Variants in ARHGEF7 observed in about 807,000 individuals in gnomAD.
ARHGEF7 encodes Rho guanine nucleotide exchange factor 7, also known as PAK-interacting exchange factor beta.
In ARHGEF7, 33 loss-of-function variants were observed where a neutral mutation model predicts 109.8. The observed-to-expected ratio is 0.30, with a 90% CI of 0.23 to 0.40. The LOEUF (loss-of-function observed/expected upper bound fraction) is 0.40. Ranked by LOEUF, ARHGEF7 falls within the 10% of genes least tolerant of loss-of-function variation. The pLI is 1.00. For missense variants in ARHGEF7, 938 were observed against 1,098.5 expected, an observed-to-expected ratio of 0.85 and a Z score of 2.07; for synonymous variants, 458 against 424.6, an observed-to-expected ratio of 1.08 and a Z score of -0.97.
chr13:111,155,898 A>T (rs983249249), intron 2 of ARHGEF7, among the ~76,000 whole-genome samples: 2 of 152,010 alleles, frequency 1.3e-5, no homozygotes, highest in Non-Finnish European at 2.9e-5. Flanking sequence ...CAACATGGTG[A>T]AACCCTGTCT....
intron 5 of ARHGEF7, among the ~76,000 whole-genome samples, chr13:111,223,229 A>G (rs547992085): frequency 6.6e-6 from 1 of 152,300 alleles, no homozygotes; most frequent in African/African-American, 2.4e-5. Flanking sequence ...TTTTGGAATT[A>G]GGTTTCCTTT....
At chr13:111,180,284 T>TA (rs1280015229) in intron 2 of ARHGEF7, among the ~76,000 whole-genome samples, 1 of 152,224 alleles carries the variant, frequency 6.6e-6, no homozygotes, top group Non-Finnish European at 1.5e-5. Flanking sequence ...TTACTTCCCT[T>TA]ACGAGCTTTT....
At chr13:111,286,276 C>T in intron 17 of ARHGEF7, 36 bp downstream of exon 17, 2 of 1,549,826 alleles carry the variant, frequency 1.3e-6, no homozygotes, top group South Asian at 1.1e-5. Flanking sequence ...GAGGACGTGG[C>T]CTCCTGGTCA....
chr13:111,239,000 C>T (rs1201733737), intron 6 of ARHGEF7, among the ~76,000 whole-genome samples: 1 of 152,164 alleles, frequency 6.6e-6, no homozygotes, highest in Non-Finnish European at 1.5e-5. Flanking sequence ...CGGAAGGCAC[C>T]TCTTCACGAA....
rs987101304 is a variant in ARHGEF7, at chr13:111,273,374, C to T, written c.1074-440C>T. Reference sequence around the variant, plus strand: ...GTGGGGCCTGCTCGCTGGACGAACTCGCATCTGGGGATGACTACCATCAGT... The same window carrying T: ...GTGGGGCCTGCTCGCTGGACGAACTTGCATCTGGGGATGACTACCATCAGT... On this transcript the variant is annotated intron_variant, in intron 9 of 21. Transcript: ENST00000646102. The surrounding 1 kb of genome is among the most constrained non-coding windows in gnomAD (Gnocchi z 4.5). Among the ~76,000 whole-genome samples the T allele has an allele frequency of 6.6e-6, 1 of 152,248 alleles. No homozygotes were observed. The highest frequency in any genetic ancestry group is 1.5e-5 in the Non-Finnish European group (1 of 68,052).
At chr13:111,298,686 A>T (rs1180332509) in intron 19 of ARHGEF7, among the ~76,000 whole-genome samples, 1 of 152,184 alleles carries the variant, frequency 6.6e-6, no homozygotes, top group Non-Finnish European at 1.5e-5. Flanking sequence ...TATTCCCGAG[A>T]CATAGGTCAC....
chr13:111,177,938 C>G (rs1342609269), intron 2 of ARHGEF7, among the ~76,000 whole-genome samples: 1 of 152,166 alleles, frequency 6.6e-6, no homozygotes. Context: ...AACTCGCACG[C>G]AGTGTGGTCC....
intron 1 of ARHGEF7, 153 bp from the exon 2 acceptor site, chr13:111,153,752 C>G (rs776422198): frequency 1.2e-5 from 16 of 1,346,298 alleles, no homozygotes; most frequent in African/African-American, 1.6e-5. Context: ...AGCGGGTTGG[C>G]ATCTGGGGCA....
At chr13:111,278,614 G>A (rs1886559) in intron 13 of ARHGEF7, among the ~76,000 whole-genome samples, 152,292 of 152,338 alleles carry the variant, frequency 1, 76,123 homozygotes, top group Non-Finnish European at 1. Context: ...TCAGGAAAGT[G>A]AGGCTGTAGT....
At chr13:111,217,145 A>G (rs1183184536) in intron 4 of ARHGEF7, among the ~76,000 whole-genome samples, 1 of 152,208 alleles carries the variant, frequency 6.6e-6, no homozygotes, top group Non-Finnish European at 1.5e-5. Flanking sequence ...CCAGAATTTA[A>G]TGTATAGCTG....
intron 2 of ARHGEF7, among the ~76,000 whole-genome samples, chr13:111,167,439 T>G (rs141419579): frequency 5.1e-4 from 78 of 152,318 alleles, no homozygotes; most frequent in African/African-American, 1.8e-3. Flanking sequence ...CTTTACTTCC[T>G]CCTTTCCATA....
intron 8 of ARHGEF7, chr13:111,265,829 G>A (rs1413550756): frequency 2.3e-6 from 1 of 429,472 alleles, no homozygotes; most frequent in African/African-American, 2.0e-5. Context: ...TGCAATAGGG[G>A]ACCACCTGCG....
chr13:111,283,524 C>A, intron 16 of ARHGEF7, 161 bp downstream of exon 16: 1 of 808,200 alleles, frequency 1.2e-6, no homozygotes, highest in Non-Finnish European at 1.5e-6. Context: ...ATCTGCTCTG[C>A]TGCTGAGAGG....
At chr13:111,286,414 G>GTT (rs2093021242) in intron 17 of ARHGEF7, among the ~76,000 whole-genome samples, 174 bp downstream of exon 17, 1 of 152,116 alleles carries the variant, frequency 6.6e-6, no homozygotes, top group Non-Finnish European at 1.5e-5. Flanking sequence ...AAGCAAGCAG[G>GTT]AGAAGCGCCT....
rs542523207 is a variant in ARHGEF7 at position 111,235,030 on chromosome 13, A to C, written c.759+1737A>C. On this transcript the variant is annotated intron_variant, in intron 6 of 21. Coordinates refer to ENST00000646102, the MANE Select transcript of ARHGEF7 (RefSeq NM_001354046.2). Reference sequence around the variant, plus strand: ...GATGGGTTTTATGGGTTGTAGGAAAACTTGAGTTTTAACTCCTGGAGCTGC... The same window carrying C: ...GATGGGTTTTATGGGTTGTAGGAAACCTTGAGTTTTAACTCCTGGAGCTGC... Among the ~76,000 whole-genome samples the C allele has an allele frequency of 2.7e-3, 410 of 152,252 alleles. 1 individual carries two copies. Among genetic ancestry groups the C allele is most frequent in the African/African-American group, 9.4e-3 (391 of 41,550 alleles).
At chr13:111,302,961 T>G (rs372058818) in intron 21 of ARHGEF7, 30 bp from the exon 22 acceptor site, 1,070 of 1,612,342 alleles carry the variant, frequency 6.6e-4, no homozygotes, top group Non-Finnish European at 8.6e-4. Flanking sequence ...CCAAAGATAG[T>G]GAACACCCTG....
chr13:111,130,272 A>G (rs986641206), intron 1 of ARHGEF7, among the ~76,000 whole-genome samples: 2 of 152,208 alleles, frequency 1.3e-5, no homozygotes, highest in Non-Finnish European at 1.5e-5. Flanking sequence ...CTCTTGTGAC[A>G]GTTCCATCAG....
rs1218665671 is a variant in ARHGEF7, at chr13:111,221,373, A to C, written c.670+3493A>C. On this transcript the variant is annotated intron_variant, in intron 5 of 21. Transcript: ENST00000646102. ...TATGTCTATATATATATCTATATAT[A>C]TATCTATATATATAGATGTCTATAT... is the stretch of plus-strand genomic sequence containing the variant. Among the ~76,000 whole-genome samples, 2 of 36,672 alleles carry C rather than the reference A, an allele frequency of 5.5e-5. 1 individual carries two copies. Among genetic ancestry groups the C allele is most frequent in the Admixed American group, 8.9e-4 (2 of 2,256 alleles). 24.1% of individuals were successfully genotyped at this position (36,672 alleles called of 152,430 possible). A position where few individuals can be genotyped will look rare whatever the true frequency, so the allele number is the denominator to read the frequency against.
intron 2 of ARHGEF7, among the ~76,000 whole-genome samples, chr13:111,192,562 A>C (rs1197792187): frequency 6.6e-6 from 1 of 151,402 alleles, no homozygotes; most frequent in African/African-American, 2.4e-5. Context: ...TGGATTCTCA[A>C]CAAGGCCATG....
Sources: gnomAD v4.1 joint callset for allele counts (sites outside exome capture counted in the v4.1 genomes callset) on GRCh38, gnomAD v4.1.1 for gene constraint, Gnocchi (gnomAD v3.1) non-coding constraint, MANE v1.5 for transcripts, NCBI Gene and HGNC (gene_info 2026-07-23, HGNC 2026-07-21) for gene names.